PEAK1: variants seen among roughly 807,000 people sequenced by gnomAD.
PEAK1 encodes the protein pseudopodium enriched atypical kinase 1.
In PEAK1, 54 loss-of-function variants were observed where a neutral mutation model predicts 124.7. That is an observed-to-expected ratio of 0.43 (90% CI 0.35 to 0.54). The LOEUF (loss-of-function observed/expected upper bound fraction) is 0.54, where lower values mean the gene tolerates loss of function less well. Among genes scored for constraint, PEAK1 ranks in the 20% least tolerant of loss-of-function variants. The probability of loss-of-function intolerance (pLI) is 0.01; values close to 1 mark genes in which losing one functional copy is unlikely to be tolerated. For synonymous variants in PEAK1, 719 were observed against 760.0 expected, an observed-to-expected ratio of 0.95 and a Z score of 0.89; for missense variants, 2,046 against 2,134.5, an observed-to-expected ratio of 0.96 and a Z score of 0.82.
intron 6 of PEAK1, among the ~76,000 whole-genome samples, chr15:77,241,497 T>C (rs993981062): frequency 6.6e-6 from 1 of 151,882 alleles, no homozygotes; most frequent in Non-Finnish European, 1.5e-5. Flanking sequence ...GAAAAAGAAG[T>C]AAAAGGCATA....
At chr15:77,401,630 C>G (rs910738321) in intron 1 of PEAK1, 5 of 984,830 alleles carry the variant, frequency 5.1e-6, no homozygotes, top group African/African-American at 3.5e-5. Context: ...GTATTTTCCA[C>G]AGAATGTTAT....
At chr15:77,248,740 T>C (rs2060707117) in intron 6 of PEAK1, among the ~76,000 whole-genome samples, 1 of 152,224 alleles carries the variant, frequency 6.6e-6, no homozygotes. Flanking sequence ...ACTAAGAATA[T>C]TAAAAGTGAA....
At chr15:77,253,281 AC>A (rs1400378667) in intron 5 of PEAK1, among the ~76,000 whole-genome samples, 1 of 149,038 alleles carries the variant, frequency 6.7e-6, no homozygotes, top group Non-Finnish European at 1.5e-5. Context: ...TCTCCTGAGG[AC>A]ACATCAAGGA....
At chr15:77,402,088 A>G in intron 1 of PEAK1, 2 of 835,418 alleles carry the variant, frequency 2.4e-6, no homozygotes, top group Non-Finnish European at 2.9e-6. Context: ...AATCCCAGCT[A>G]CTATGGTGGC....
Position 77,155,695 on chromosome 15 carries a change from T to C in PEAK1, c.3331+2808A>G, listed in dbSNP as rs544440130. The C allele has an allele frequency of 2.0e-5, 3 of 152,432 alleles. No individual in the cohort carries two copies. In the South Asian group the frequency reaches 6.2e-4, roughly 32 times the overall value. 9.4% of individuals were successfully genotyped at this position (152,432 alleles called of 1,614,324 possible). ...TGTCCTTTCTGTTTGTTGGTTTTCC[T>C]TCTAACAGACAGGACCCTCAGCTGC... is the stretch of plus-strand genomic sequence containing the variant. On this transcript the variant is annotated intron_variant, in intron 8 of 9. Coordinates refer to ENST00000682557, the MANE Select transcript of PEAK1 (RefSeq NM_001385026.1).
chr15:77,348,125 C>G (rs1017217581), intron 2 of PEAK1: 1 of 978,722 alleles, frequency 1.0e-6, no homozygotes, highest in Non-Finnish European at 1.2e-6. Context: ...CAATGGAGAT[C>G]AAAAACTTGC....
chr15:77,414,207 C>CTTTTTTTT (rs71145827), intron 1 of PEAK1, among the ~76,000 whole-genome samples: 1 of 67,922 alleles, frequency 1.5e-5, no homozygotes, highest in Admixed American at 1.5e-4. Context: ...TTCTTTCCTT[C>CTTTTTTTT]TTTTTTTTTT....
At chr15:77,168,514 T>C (rs1400276292) in intron 7 of PEAK1, among the ~76,000 whole-genome samples, 1 of 152,232 alleles carries the variant, frequency 6.6e-6, no homozygotes, top group Non-Finnish European at 1.5e-5. Flanking sequence ...ATGTAAAAGA[T>C]GAGTGTGGCT....
intron 2 of PEAK1, chr15:77,355,991 A>G: frequency 1.1e-6 from 1 of 943,862 alleles, no homozygotes; most frequent in Non-Finnish European, 1.3e-6. Flanking sequence ...AACAAACGAG[A>G]AAAAGAACTA....
intron 1 of PEAK1, among the ~76,000 whole-genome samples, chr15:77,386,568 T>TA (rs1267645152): frequency 1.3e-5 from 2 of 152,004 alleles, no homozygotes; most frequent in African/African-American, 4.8e-5. Context: ...AGGACTGCAT[T>TA]AAAAAAATAG....
intron 1 of PEAK1, among the ~76,000 whole-genome samples, chr15:77,392,498 A>T (rs1479230997): frequency 6.6e-6 from 1 of 152,230 alleles, no homozygotes; most frequent in African/African-American, 2.4e-5. Flanking sequence ...CTTAACTGCC[A>T]GGTTATTTTC....
At chr15:77,186,626 TAAAAAAC>T (rs1309823849) in intron 6 of PEAK1, among the ~76,000 whole-genome samples, 1 of 150,240 alleles carries the variant, frequency 6.7e-6, no homozygotes, top group East Asian at 1.9e-4. Context: ...AGTATAATAA[TAAAAAAC>T]AAAAAACAAA....
At chr15:77,309,771 A>C (rs935970284) in intron 2 of PEAK1, among the ~76,000 whole-genome samples, 2 of 152,200 alleles carry the variant, frequency 1.3e-5, no homozygotes, top group African/African-American at 4.8e-5. Context: ...GCCATAAAAA[A>C]CTATTAACTT....
chr15:77,391,476 C>CAAAAAAAAA (rs536286745), intron 1 of PEAK1, among the ~76,000 whole-genome samples: 4 of 68,302 alleles, frequency 5.9e-5, no homozygotes, highest in Admixed American at 1.8e-4. Flanking sequence ...TAACTCATGG[C>CAAAAAAAAA]AAAAAAAAAA....
At chr15:77,197,904 C>T (rs1391628321) in intron 6 of PEAK1, among the ~76,000 whole-genome samples, 9 of 151,522 alleles carry the variant, frequency 5.9e-5, no homozygotes, top group East Asian at 1.9e-4. Flanking sequence ...TGATAAAACT[C>T]GCAGACAAAC....
chr15:77,205,279 A>ATTT (rs767703989), intron 6 of PEAK1, among the ~76,000 whole-genome samples: 118 of 149,078 alleles, frequency 7.9e-4, no homozygotes, highest in Non-Finnish European at 7.9e-4. Flanking sequence ...TTTTTTTAAA[A>ATTT]AAAAAAAAAA....
intron 6 of PEAK1, among the ~76,000 whole-genome samples, chr15:77,226,963 C>G (rs907864903): frequency 2.0e-5 from 3 of 152,128 alleles, no homozygotes; most frequent in Non-Finnish European, 4.4e-5. Flanking sequence ...TATCTAGCTC[C>G]AGAGTCTACA....
intron 2 of PEAK1, among the ~76,000 whole-genome samples, chr15:77,353,766 GGGT>G (rs1479913799): frequency 6.6e-6 from 1 of 152,154 alleles, no homozygotes. Flanking sequence ...AGCAATTGCT[GGGT>G]CCAAAAATAA....
chr15:77,334,212 G>GT, intron 2 of PEAK1: 1 of 983,236 alleles, frequency 1.0e-6, no homozygotes, highest in African/African-American at 1.7e-5. Context: ...ACATTTAGAC[G>GT]TAACTAACCA....
Sources: allele counts gnomAD v4.1 joint callset (sites outside exome capture counted in the v4.1 genomes callset), GRCh38; gene constraint gnomAD v4.1.1; transcripts MANE v1.5; gene names NCBI Gene and HGNC (gene_info 2026-07-23, HGNC 2026-07-21).